The following ELAVL2 variants were observed in gnomAD, a reference collection of about 807,000 sequenced individuals.
ELAVL2 encodes the protein ELAV-like protein 2.
A neutral mutation model predicts 34.6 loss-of-function variants in ELAVL2; 4 were observed. That is an observed-to-expected ratio of 0.12 (90% confidence interval 0.06 to 0.26). The LOEUF (loss-of-function observed/expected upper bound fraction) is 0.26. Among genes scored for constraint, ELAVL2 ranks in the 10% least tolerant of loss-of-function variants. ELAVL2 has a pLI of 1.00. For synonymous variants in ELAVL2, 193 were observed against 154.8 expected, an observed-to-expected ratio of 1.25 and a Z score of -1.83; for missense variants, 432 against 442.8, an observed-to-expected ratio of 0.98 and a Z score of 0.22.
At chr9:23,794,186 C>G (rs2060641410) in intron 1 of ELAVL2, among the ~76,000 whole-genome samples, 1 of 152,196 alleles carries the variant, frequency 6.6e-6, no homozygotes, top group Non-Finnish European at 1.5e-5. Flanking sequence ...CTTATCTTTC[C>G]CCTTCTAACT....
At chr9:23,771,520 A>G (rs535580198) in intron 1 of ELAVL2, among the ~76,000 whole-genome samples, 1 of 152,246 alleles carries the variant, frequency 6.6e-6, no homozygotes, top group South Asian at 2.1e-4. Flanking sequence ...ATGGTTGGAT[A>G]TTCACTATTC....
chr9:23,746,393 AC>A (rs1354590126), intron 2 of ELAVL2, among the ~76,000 whole-genome samples: 1 of 152,172 alleles, frequency 6.6e-6, no homozygotes, highest in East Asian at 1.9e-4. Context: ...TAGATTGTAC[AC>A]TGACTCTACC....
chr9:23,811,577 A>C (rs1413657597), intron 1 of ELAVL2, among the ~76,000 whole-genome samples: 1 of 152,224 alleles, frequency 6.6e-6, no homozygotes, highest in Non-Finnish European at 1.5e-5. Flanking sequence ...TATATTCCCA[A>C]AAGGGAGGAA....
At chr9:23,810,343 C>G (rs1188966955) in intron 1 of ELAVL2, among the ~76,000 whole-genome samples, 1 of 151,968 alleles carries the variant, frequency 6.6e-6, no homozygotes, top group African/African-American at 2.4e-5. Context: ...AATCCTGGCC[C>G]TGAGGAACAA....
chr9:23,721,301 T>C (rs2043650720), intron 3 of ELAVL2, among the ~76,000 whole-genome samples: 1 of 152,206 alleles, frequency 6.6e-6, no homozygotes, highest in South Asian at 2.1e-4. Context: ...TTCTATGAAG[T>C]TAGGAGCTTC....
intron 1 of ELAVL2, among the ~76,000 whole-genome samples, chr9:23,792,127 G>A (rs1392268815): frequency 6.6e-6 from 1 of 152,192 alleles, no homozygotes; most frequent in Non-Finnish European, 1.5e-5. Flanking sequence ...TAAATTACAT[G>A]AAACATTCAA....
intron 2 of ELAVL2, among the ~76,000 whole-genome samples, chr9:23,750,697 G>A (rs2051741770): frequency 6.6e-6 from 1 of 152,142 alleles, no homozygotes; most frequent in Non-Finnish European, 1.5e-5. Flanking sequence ...TACACCATCA[G>A]TCTCTCATTT....
chr9:23,816,319 A>G (rs1387636557), intron 1 of ELAVL2, among the ~76,000 whole-genome samples: 1 of 73,756 alleles, frequency 1.4e-5, no homozygotes, highest in Non-Finnish European at 2.4e-5. Flanking sequence ...GCTTTCAGTA[A>G]AAAAAAAAAA....
At chr9:23,744,711 A>G (rs2050084283) in intron 2 of ELAVL2, among the ~76,000 whole-genome samples, 1 of 151,966 alleles carries the variant, frequency 6.6e-6, no homozygotes, top group African/African-American at 2.4e-5. Context: ...CTACTATACT[A>G]TTTTGGGCTT....
intron 1 of ELAVL2, among the ~76,000 whole-genome samples, chr9:23,811,585 G>A (rs868314547): frequency 6.6e-6 from 1 of 152,212 alleles, no homozygotes; most frequent in Admixed American, 6.5e-5. Context: ...CAAAAGGGAG[G>A]AAGTCAAAAA....
At chr9:23,829,781 A>G (rs1564622928), upstream of ELAVL2, 1 of 152,214 alleles carries the variant, frequency 6.6e-6, no homozygotes, top group Admixed American at 6.5e-5. Context: ...AATTAGCACC[A>G]TGGACAGAGA....
chr9:23,762,022 T>C lies in ELAVL2; in HGVS notation c.213A>G (p.Val71=), dbSNP rs749058858. 1.7e-5 allele frequency: 27 copies of C among 1,612,340 alleles called. No homozygotes were observed. Among genetic ancestry groups the C allele is most frequent in the Non-Finnish European group, 2.1e-5 (25 of 1,179,102 alleles). ...SIGEIESCKL[V]RDKITGQSLG... ...ACTGCTTACCTGTTATTTTGTCTCTTACAAGCTTACAGGACTCTATTTCAC... is the reference window on the plus strand; with the variant it reads ...ACTGCTTACCTGTTATTTTGTCTCTCACAAGCTTACAGGACTCTATTTCAC... The change falls in exon 2 of 7, where the codon GTA becomes GTG. Residue 71 remains valine, a synonymous_variant. Transcript: ENST00000397312.
chr9:23,811,711 C>T (rs1588732038), intron 1 of ELAVL2, among the ~76,000 whole-genome samples: 1 of 152,310 alleles, frequency 6.6e-6, no homozygotes, highest in African/African-American at 2.4e-5. Flanking sequence ...AAACACCCAG[C>T]TTCATGTAGT....
intron 4 of ELAVL2, among the ~76,000 whole-genome samples, chr9:23,704,341 T>C (rs557006203): frequency 6.6e-6 from 1 of 152,300 alleles, no homozygotes; most frequent in South Asian, 2.1e-4. Flanking sequence ...AACAACTCCC[T>C]TACATTCAAG....
chr9:23,742,432 T>C, intron 2 of ELAVL2, among the ~76,000 whole-genome samples: 1 of 152,188 alleles, frequency 6.6e-6, no homozygotes, highest in Non-Finnish European at 1.5e-5. Flanking sequence ...CGTACATACC[T>C]ACGTCCTTCG....
the ELAVL2 span, chr9:23,847,435 A>C: frequency 5.3e-5 from 8 of 151,972 alleles, no homozygotes; most frequent in Non-Finnish European, 4.4e-5. Flanking sequence ...GGAATCAATG[A>C]CTTTCTATGA....
intron 2 of ELAVL2, among the ~76,000 whole-genome samples, chr9:23,743,884 T>C (rs530229107): frequency 1.2e-4 from 19 of 152,316 alleles, no homozygotes; most frequent in Non-Finnish European, 1.9e-4. Flanking sequence ...GGGAAGGCGC[T>C]ATGTTTTTAT....
chr9:23,721,651 G>C (rs2043757324), intron 3 of ELAVL2, among the ~76,000 whole-genome samples: 1 of 152,138 alleles, frequency 6.6e-6, no homozygotes, highest in Admixed American at 6.5e-5. Context: ...GGTTTGAACT[G>C]TGTGGGTGCA....
intron 3 of ELAVL2, among the ~76,000 whole-genome samples, chr9:23,717,810 G>C (rs1307144682): frequency 2.0e-5 from 3 of 152,206 alleles, no homozygotes; most frequent in Admixed American, 1.3e-4. Flanking sequence ...TTTTAATGCT[G>C]TTCAAACATT....
Sources: gnomAD v4.1 joint callset for allele counts (sites outside exome capture counted in the v4.1 genomes callset) on GRCh38, gnomAD v4.1.1 for gene constraint, MANE v1.5 for transcripts, NCBI Gene and HGNC (gene_info 2026-07-23, HGNC 2026-07-21) for gene names.